The following SARDH variants were observed in gnomAD, a reference collection of about 807,000 sequenced individuals.
SARDH encodes sarcosine dehydrogenase, mitochondrial.
Under a neutral mutation model 109.1 loss-of-function variants are expected in SARDH, and 95 were observed. That is an observed-to-expected ratio of 0.87 (90% CI 0.74 to 1.03). The LOEUF (loss-of-function observed/expected upper bound fraction) is 1.03, where lower values mean the gene tolerates loss of function less well. Among genes scored for constraint, SARDH ranks in the 50% least tolerant of loss-of-function variants. SARDH has a pLI of 0.00. For missense variants in SARDH, 1,267 were observed against 1,287.8 expected (o/e 0.98, Z 0.25); for synonymous variants, 572 against 534.8 (o/e 1.07, Z -0.96).
At position 133,693,496 on chromosome 9, in the gene SARDH, C is replaced by T. The variant is rs1404587549; in HGVS notation, c.1921+762G>A. On this transcript the variant is annotated intron_variant, in intron 15 of 20. Transcript: ENST00000439388. The surrounding 1 kb of genome is among the most constrained non-coding windows in gnomAD (Gnocchi z 5.6). ...CTGTGCCCCTGCCCCGGGGACAGCACAGAGAGCTGCACGGTCAGCACCTTC... is the reference window on the plus strand; with the variant it reads ...CTGTGCCCCTGCCCCGGGGACAGCATAGAGAGCTGCACGGTCAGCACCTTC... Among the ~76,000 whole-genome samples the T allele has an allele frequency of 6.6e-6, 1 of 152,246 alleles. No homozygotes were observed. The highest frequency in any genetic ancestry group is 1.9e-4 in the East Asian group (1 of 5,198).
At chr9:133,684,744 C>T (rs1171946025) in intron 17 of SARDH, among the ~76,000 whole-genome samples, 1 of 152,176 alleles carries the variant, frequency 6.6e-6, no homozygotes, top group African/African-American at 2.4e-5. Flanking sequence ...CCCCAGCAGC[C>T]CCTCCTCCCA....
chr9:133,660,070 C>G (rs1008402372), downstream of SARDH, among the ~76,000 whole-genome samples: 3 of 148,502 alleles, frequency 2.0e-5, no homozygotes, highest in African/African-American at 7.4e-5. Flanking sequence ...CCACCTCACC[C>G]CCCACTCACA....
chr9:133,665,443 A>G (rs1445561067), intron 20 of SARDH, among the ~76,000 whole-genome samples: 3 of 152,216 alleles, frequency 2.0e-5, no homozygotes, highest in East Asian at 1.9e-4. Flanking sequence ...TGCCATCACA[A>G]TCCCCACATA....
At chr9:133,673,842 T>C (rs1830431663) in intron 17 of SARDH, among the ~76,000 whole-genome samples, 1 of 152,186 alleles carries the variant, frequency 6.6e-6, no homozygotes, top group South Asian at 2.1e-4. Context: ...GGATCCCTGT[T>C]CAGACAAAGA....
At chr9:133,716,300 C>A (rs1832120423) in intron 8 of SARDH, among the ~76,000 whole-genome samples, 1 of 152,246 alleles carries the variant, frequency 6.6e-6, no homozygotes, top group Non-Finnish European at 1.5e-5. Flanking sequence ...CCACCACCGA[C>A]GAAGTGCCAC....
chr9:133,705,648 C>A (rs1464097206), intron 11 of SARDH, among the ~76,000 whole-genome samples: 1 of 151,874 alleles, frequency 6.6e-6, no homozygotes, highest in Non-Finnish European at 1.5e-5. Flanking sequence ...CTGCCCTGGC[C>A]CCGATAACCA....
At chr9:133,669,744 T>C (rs906394146) in intron 19 of SARDH, among the ~76,000 whole-genome samples, 1 of 152,218 alleles carries the variant, frequency 6.6e-6, no homozygotes, top group African/African-American at 2.4e-5. Flanking sequence ...GTGGTCTCCA[T>C]TCGTGAGTGG....
intron 6 of SARDH, among the ~76,000 whole-genome samples, chr9:133,719,592 T>C (rs868684082): frequency 1.4e-4 from 22 of 152,244 alleles, no homozygotes; most frequent in Middle Eastern, 6.8e-3. Flanking sequence ...AGGTGGGTCC[T>C]GAGAGGCTCC....
intron 17 of SARDH, among the ~76,000 whole-genome samples, chr9:133,680,290 C>T (rs1830652070): frequency 6.6e-6 from 1 of 151,348 alleles, no homozygotes; most frequent in Non-Finnish European, 1.5e-5. Context: ...CTCCACCGAG[C>T]CTTGGGTAAC....
At chr9:133,723,118 C>T (rs909305946) in intron 6 of SARDH, among the ~76,000 whole-genome samples, 6 of 152,046 alleles carry the variant, frequency 3.9e-5, no homozygotes, top group South Asian at 2.1e-4. Context: ...AAAATACTTT[C>T]GAAAGAAATT....
chr9:133,734,412 T>TTCATTCATTCAC (rs1564304222), intron 1 of SARDH, among the ~76,000 whole-genome samples: 3,400 of 126,508 alleles, frequency 0.027, 121 homozygotes, highest in Non-Finnish European at 0.036. Flanking sequence ...CATTCACTCA[T>TTCATTCATTCAC]TCATTCATTC....
At chr9:133,703,822 C>T (rs2131418596) in intron 12 of SARDH, 1 of 152,440 alleles carries the variant, frequency 6.6e-6, no homozygotes, top group African/African-American at 2.4e-5. Flanking sequence ...GGGAGTCAGG[C>T]TTTGCTGGCA....
At chr9:133,690,598 A>G (rs991024845) in intron 15 of SARDH, 71 bp from the exon 16 acceptor site, 35 of 1,535,014 alleles carry the variant, frequency 2.3e-5, no homozygotes, top group African/African-American at 9.5e-5. Flanking sequence ...AGGGTGGCCC[A>G]AGGGTCTCCC....
rs1831292072 is a variant in SARDH, at chr9:133,696,422, A to G, written c.1669-61T>C. On this transcript the variant is annotated intron_variant, in intron 13 of 20. Coordinates refer to ENST00000439388, the MANE Select transcript of SARDH (RefSeq NM_001134707.2). ...GCCTTTGGGGTGTGCTTCTTCCTCAAGAACGTGGAGAACGGGGGCTGTGTC... is the reference window on the plus strand; with the variant it reads ...GCCTTTGGGGTGTGCTTCTTCCTCAGGAACGTGGAGAACGGGGGCTGTGTC... The G allele has an allele frequency of 1.7e-5, 28 of 1,607,546 alleles. No homozygotes were observed. The South Asian group carries it at 2.5e-4, about 15-fold the overall frequency.
intron 15 of SARDH, among the ~76,000 whole-genome samples, chr9:133,691,213 C>CAG (rs1408986011): frequency 4.1e-5 from 6 of 147,476 alleles, no homozygotes; most frequent in African/African-American, 1.3e-4. Context: ...CACACACACA[C>CAG]ACGGCCACTC....
At chr9:133,680,357 C>G (rs1830655668) in intron 17 of SARDH, among the ~76,000 whole-genome samples, 1 of 152,200 alleles carries the variant, frequency 6.6e-6, no homozygotes, top group East Asian at 1.9e-4. Flanking sequence ...CTCCCATCTC[C>G]CACCTGCCTG....
intron 17 of SARDH, among the ~76,000 whole-genome samples, chr9:133,684,934 TG>T (rs1394745951): frequency 1.3e-5 from 2 of 152,170 alleles, no homozygotes; most frequent in Non-Finnish European, 2.9e-5. Context: ...CCACCTTCCC[TG>T]GGACTGAGTC....
rs1307795573 is a variant in SARDH, at chr9:133,730,026, C to G, written c.814+38G>C. On this transcript the variant is annotated intron_variant, in intron 5 of 20. Transcript: ENST00000439388. The stretch of plus-strand genomic sequence containing the variant: ...GGGAGCAGGTTTAGGGAGCAGCCAG[C>G]ATGGCCACACAGGAGTCAGGAGAAA... The G allele has an allele frequency of 3.1e-6, 5 of 1,611,680 alleles. No individual in the cohort carries two copies. The African/African-American group carries it at 4.0e-5, about 13-fold the overall frequency.
chr9:133,669,578 T>C (rs923532358), intron 19 of SARDH, among the ~76,000 whole-genome samples: 2 of 151,728 alleles, frequency 1.3e-5, no homozygotes, highest in African/African-American at 4.8e-5. Context: ...ATCCAAACTC[T>C]CCCAGTAGCC....
Sources: allele counts gnomAD v4.1 joint callset (sites outside exome capture counted in the v4.1 genomes callset), GRCh38; gene constraint gnomAD v4.1.1; non-coding constraint Gnocchi (gnomAD v3.1); transcripts MANE v1.5; gene names NCBI Gene and HGNC (gene_info 2026-07-23, HGNC 2026-07-21).